The following MUC7 variants were observed in gnomAD, a reference collection of about 807,000 sequenced individuals.
The protein encoded by MUC7 is mucin 7, secreted.
A neutral mutation model predicts 2.5 loss-of-function variants in MUC7; 2 were observed. The observed-to-expected ratio is 0.81, with a 90% CI of 0.33 to 2.55. The LOEUF (loss-of-function observed/expected upper bound fraction) is 2.55. Among genes scored for constraint, MUC7 ranks in the 30% most tolerant of loss-of-function variants. MUC7 has a pLI of 0.11. For synonymous variants in MUC7, 133 were observed against 173.4 expected (o/e 0.77, Z 1.83); for missense variants, 408 against 455.6 (o/e 0.90, Z 0.95).
chr4:70,463,772 C>T (rs881731), intron 1 of MUC7, among the ~76,000 whole-genome samples: 51,191 of 152,110 alleles, frequency 0.34, 9,610 homozygotes, highest in Admixed American at 0.43. Context: ...ATAGCCCTCC[C>T]GCTATGCAAG....
upstream of MUC7, among the ~76,000 whole-genome samples, chr4:70,468,636 T>C (rs1350729111): frequency 2.6e-5 from 4 of 152,190 alleles, no homozygotes; most frequent in Non-Finnish European, 5.9e-5. Context: ...AGCCAAATCA[T>C]GAGAGAACTC....
intron 1 of MUC7, among the ~76,000 whole-genome samples, chr4:70,447,323 A>G (rs1216165927): frequency 1.3e-5 from 2 of 152,262 alleles, no homozygotes; most frequent in African/African-American, 4.8e-5. Flanking sequence ...CTGGCCCAAC[A>G]CTTGACCTAT....
At chr4:70,455,385 C>T (rs1203714445) in intron 1 of MUC7, among the ~76,000 whole-genome samples, 2 of 152,036 alleles carry the variant, frequency 1.3e-5, no homozygotes, top group Non-Finnish European at 2.9e-5. Context: ...TTCTTATATG[C>T]CATATATCAA....
intron 1 of MUC7, among the ~76,000 whole-genome samples, chr4:70,458,344 T>C (rs949777548): frequency 2.0e-5 from 3 of 152,106 alleles, no homozygotes; most frequent in Middle Eastern, 3.2e-3. Context: ...AATGATGAAC[T>C]AGGAATAGTG....
intron 1 of MUC7, among the ~76,000 whole-genome samples, chr4:70,463,065 G>A (rs189511686): frequency 6.4e-4 from 98 of 152,190 alleles, no homozygotes; most frequent in African/African-American, 2.2e-3. Flanking sequence ...TTGGTCCTAT[G>A]GTCAAATTCT....
intron 1 of MUC7, among the ~76,000 whole-genome samples, chr4:70,438,085 A>G (rs1269276331): frequency 6.6e-6 from 1 of 152,186 alleles, no homozygotes. Flanking sequence ...TATCCCTTCT[A>G]TCTGTAAGCT....
chr4:70,448,060 G>C (rs1303691044), intron 1 of MUC7, among the ~76,000 whole-genome samples: 1 of 151,942 alleles, frequency 6.6e-6, no homozygotes, highest in Non-Finnish European at 1.5e-5. Flanking sequence ...TCTGTAACTG[G>C]CTTATTTCAC....
chr4:70,450,498 G>T (rs557512385), intron 1 of MUC7, among the ~76,000 whole-genome samples: 2 of 152,262 alleles, frequency 1.3e-5, no homozygotes, highest in South Asian at 4.1e-4. Flanking sequence ...TTTTCCCTCT[G>T]CTTTTCTTAA....
At chr4:70,446,719 C>T (rs1039982083) in intron 1 of MUC7, among the ~76,000 whole-genome samples, 30 of 152,160 alleles carry the variant, frequency 2.0e-4, no homozygotes, top group Admixed American at 2.0e-4. Context: ...ATTTACCATG[C>T]TTCTCTTCTT....
At chr4:70,477,324 C>T (rs565942078) in intron 2 of MUC7, among the ~76,000 whole-genome samples, 2 of 152,172 alleles carry the variant, frequency 1.3e-5, no homozygotes, top group African/African-American at 4.8e-5. Context: ...GCAGGAGAAT[C>T]CCTTGAACCC....
At chr4:70,458,061 T>C (rs1393156588) in intron 1 of MUC7, among the ~76,000 whole-genome samples, 1 of 152,116 alleles carries the variant, frequency 6.6e-6, no homozygotes, top group Admixed American at 6.6e-5. Flanking sequence ...ATCTCTCCGA[T>C]GAATATAGAT....
intron 1 of MUC7, among the ~76,000 whole-genome samples, chr4:70,436,182 G>T (rs1733827187): frequency 6.6e-6 from 1 of 152,012 alleles, no homozygotes; most frequent in Admixed American, 6.6e-5. Flanking sequence ...CATGTGTCTT[G>T]GGGTTGCTCT....
chr4:70,434,452 G>T (rs944317344), intron 1 of MUC7, among the ~76,000 whole-genome samples: 1 of 152,162 alleles, frequency 6.6e-6, no homozygotes, highest in African/African-American at 2.4e-5. Flanking sequence ...TCTTGGGAGG[G>T]TGTATGTGTC....
chr4:70,477,835 C>CT (rs1272377703), intron 2 of MUC7, among the ~76,000 whole-genome samples: 1 of 152,064 alleles, frequency 6.6e-6, no homozygotes, highest in Non-Finnish European at 1.5e-5. Flanking sequence ...TACATGAAGA[C>CT]TTTTTTAATA....
In MUC7 at chr4:70,481,995, C is replaced by A; in HGVS notation, c.*117C>A. 1 of 1,216,156 alleles carries A rather than the reference C, an allele frequency of 8.2e-7. No homozygotes were observed. 75.3% of individuals were successfully genotyped at this position (1,216,156 alleles called of 1,614,324 possible). ...GAAATTATATTACTCAGATTTAAAG[C>A]ACTATCATTAATCTTTCAATCTAAT... On this transcript the variant is annotated 3_prime_UTR_variant, in exon 3 of 3. Transcript: ENST00000304887.
chr4:70,462,318 C>G (rs1208201650), intron 1 of MUC7, among the ~76,000 whole-genome samples: 1 of 152,122 alleles, frequency 6.6e-6, no homozygotes, highest in African/African-American at 2.4e-5. Context: ...AAAGCACAAA[C>G]TGTTTATCTA....
intron 1 of MUC7, among the ~76,000 whole-genome samples, chr4:70,445,714 CA>C (rs925652020): frequency 2.6e-5 from 4 of 151,648 alleles, no homozygotes; most frequent in Admixed American, 6.6e-5. Flanking sequence ...TCCATGGAAA[CA>C]AAAAAAGAGG....
intron 1 of MUC7, among the ~76,000 whole-genome samples, chr4:70,449,165 G>C (rs1173011428): frequency 2.6e-5 from 4 of 152,124 alleles, no homozygotes; most frequent in Non-Finnish European, 5.9e-5. Flanking sequence ...TTTTAGAATA[G>C]TTTGAGTAGG....
chr4:70,462,892 A>G (rs1734593216), intron 1 of MUC7, among the ~76,000 whole-genome samples: 1 of 152,152 alleles, frequency 6.6e-6, no homozygotes, highest in Non-Finnish European at 1.5e-5. Context: ...CTTCAGACCA[A>G]GAGTTTGAGA....
Sources: gnomAD v4.1 joint callset for allele counts (sites outside exome capture counted in the v4.1 genomes callset) on GRCh38, gnomAD v4.1.1 for gene constraint, MANE v1.5 for transcripts, NCBI Gene and HGNC (gene_info 2026-07-23, HGNC 2026-07-21) for gene names.